Variants in RAP1A observed in about 807,000 individuals in gnomAD.
The protein encoded by RAP1A is RAP1A, member of RAS oncogene family, also known as ras-related protein Rap-1A.
In RAP1A, 6 loss-of-function variants were observed where a neutral mutation model predicts 26.4. That is an observed-to-expected ratio of 0.23 (90% CI 0.12 to 0.45). The LOEUF (loss-of-function observed/expected upper bound fraction) is 0.45, where lower values mean the gene tolerates loss of function less well. RAP1A is among the 20% of genes least tolerant of loss of function. RAP1A has a pLI of 0.99. For synonymous variants in RAP1A, 73 were observed against 79.4 expected (o/e 0.92, Z 0.43); for missense variants, 121 against 217.2 (o/e 0.56, Z 2.78).
chr1:111,610,646 A>C (rs1658911638), intron 1 of RAP1A, among the ~76,000 whole-genome samples: 1 of 151,752 alleles, frequency 6.6e-6, no homozygotes, highest in Non-Finnish European at 1.5e-5. Context: ...AGGTTGTATC[A>C]TTGTTTGGAA....
chr1:111,563,709 T>C, intron 1 of RAP1A: 3 of 641,418 alleles, frequency 4.7e-6, no homozygotes, highest in Non-Finnish European at 8.3e-6. Flanking sequence ...ACAAATTATC[T>C]CTATTTTACA....
intron 1 of RAP1A, among the ~76,000 whole-genome samples, chr1:111,666,614 CTAATT>C (rs1053788305): frequency 2.7e-5 from 4 of 150,718 alleles, no homozygotes; most frequent in Non-Finnish European, 2.9e-5. Flanking sequence ...ATTCAGCAGT[CTAATT>C]TAGGTAATCA....
At chr1:111,545,637 A>G (rs895332171) in intron 1 of RAP1A, among the ~76,000 whole-genome samples, 3 of 152,132 alleles carry the variant, frequency 2.0e-5, no homozygotes, top group African/African-American at 7.2e-5. Flanking sequence ...ATGAAGTCCA[A>G]CTTCTCTATT....
At chr1:111,578,465 A>T (rs1444103898) in intron 1 of RAP1A, among the ~76,000 whole-genome samples, 3 of 150,268 alleles carry the variant, frequency 2.0e-5, no homozygotes, top group African/African-American at 4.9e-5. Context: ...TTTTTTCTCT[A>T]GTTGCAAAAA....
intron 1 of RAP1A, chr1:111,648,335 T>TCCACTATC (rs890660491): frequency 6.4e-6 from 5 of 780,362 alleles, no homozygotes; most frequent in Non-Finnish European, 1.1e-5. Flanking sequence ...CACTTTGCCA[T>TCCACTATC]CCACTATCTG....
chr1:111,612,673 A>T (rs1449872550), intron 1 of RAP1A, among the ~76,000 whole-genome samples: 1 of 152,232 alleles, frequency 6.6e-6, no homozygotes, highest in Non-Finnish European at 1.5e-5. Context: ...AAGCCTTTGG[A>T]GTTGGCTGAT....
At chr1:111,588,991 G>C (rs972639073) in intron 1 of RAP1A, among the ~76,000 whole-genome samples, 1 of 152,144 alleles carries the variant, frequency 6.6e-6, no homozygotes, top group African/African-American at 2.4e-5. Flanking sequence ...ATTAAGTAGT[G>C]ATAACAGTGA....
At chr1:111,664,373 CAAAAAAAAAAAAAAAAA>C (rs57610280) in intron 1 of RAP1A, among the ~76,000 whole-genome samples, 1 of 89,870 alleles carries the variant, frequency 1.1e-5, no homozygotes, top group Non-Finnish European at 2.1e-5. Context: ...GACTCCGTCT[CAAAAAAAAAAAAAAAAA>C]AAAAAAAACA....
rs994763442 is a variant in RAP1A, at chr1:111,593,652, C to CTTTTTTTT, written c.-28+51163_-28+51170dup. Among the ~76,000 whole-genome samples the CTTTTTTTT allele has an allele frequency of 2.6e-3, 173 of 65,386 alleles. 18 individuals carry two copies. Among genetic ancestry groups the CTTTTTTTT allele is most frequent in the East Asian group, 0.012 (20 of 1,640 alleles). The allele number at this position is 65,386 out of a possible 152,430, so 42.9% of individuals were successfully genotyped here. On this transcript the variant is annotated intron_variant, in intron 1 of 7. Transcript: ENST00000356415. The stretch of plus-strand genomic sequence containing the variant: ...CTGGCAGCTTAAGTTATGACTCCTA[C>CTTTTTTTT]TTTTTTTTTTTTTTTTTTTTTTTTT...
chr1:111,683,455 G>A (rs1036210809), intron 1 of RAP1A, among the ~76,000 whole-genome samples: 3 of 151,890 alleles, frequency 2.0e-5, no homozygotes, highest in Non-Finnish European at 4.4e-5. Flanking sequence ...GAATCAAATA[G>A]ATGCAATAAA....
In RAP1A at chr1:111,713,224, A is replaced by G. The variant is rs1190240874; in HGVS notation, c.*823A>G. 6.6e-6 allele frequency: 1 copy of G among 152,406 alleles called. No homozygotes were observed. The highest frequency in any genetic ancestry group is 2.4e-5 in the African/African-American group (1 of 41,456). The allele number at this position is 152,406 out of a possible 1,614,324, so 9.4% of individuals were successfully genotyped here. A position where few individuals can be genotyped will look rare whatever the true frequency, so the allele number is the denominator to read the frequency against. On this transcript the variant is annotated 3_prime_UTR_variant, in exon 8 of 8. Transcript: ENST00000369709. ...CCTTTCTGCCTAGTATCTGCAGAAC[A>G]CTGGCTTTAAACTATACTAAGTAAC...
chr1:111,703,162 A>AATT (rs1662075395), intron 4 of RAP1A, among the ~76,000 whole-genome samples, 174 bp from the exon 5 acceptor site: 1 of 152,212 alleles, frequency 6.6e-6, no homozygotes. Flanking sequence ...ATTCTAGTTT[A>AATT]CTGTCATTGT....
intron 1 of RAP1A, among the ~76,000 whole-genome samples, chr1:111,563,582 A>G (rs1657832342): frequency 6.6e-6 from 1 of 152,190 alleles, no homozygotes; most frequent in Non-Finnish European, 1.5e-5. Flanking sequence ...TAGGTAGACA[A>G]GAGAATTCAT....
intron 1 of RAP1A, among the ~76,000 whole-genome samples, chr1:111,603,495 T>G (rs1658709490): frequency 6.6e-6 from 1 of 152,238 alleles, no homozygotes; most frequent in Non-Finnish European, 1.5e-5. Flanking sequence ...AAGCCATTGG[T>G]AGGATGTTCT....
chr1:111,583,404 A>AAGGCTGC (rs1416362604), intron 1 of RAP1A, among the ~76,000 whole-genome samples: 2 of 151,830 alleles, frequency 1.3e-5, no homozygotes, highest in African/African-American at 4.9e-5. Flanking sequence ...CCAGGAGTTC[A>AAGGCTGC]AGGCTGCAGT....
At chr1:111,658,761 ATTGATGGTG>A (rs1660542677) in intron 1 of RAP1A, among the ~76,000 whole-genome samples, 1 of 152,268 alleles carries the variant, frequency 6.6e-6, no homozygotes, top group African/African-American at 2.4e-5. Flanking sequence ...GATCCAATTG[ATTGATGGTG>A]TTGTTTACTT....
intron 1 of RAP1A, among the ~76,000 whole-genome samples, chr1:111,671,535 C>T (rs191740521): frequency 1.2e-4 from 19 of 152,130 alleles, no homozygotes; most frequent in African/African-American, 4.3e-4. Flanking sequence ...CGTGCGGTGG[C>T]GTGATCTTGG....
In RAP1A at chr1:111,715,997, A is replaced by G. The variant is rs1387693673; in HGVS notation, c.*3596A>G. ...GCAAGCAATCACAGCAGAATGCTAG[A>G]AAACATAAAATATACTCTTATAAAT... On this transcript the variant is annotated 3_prime_UTR_variant, in exon 8 of 8. Coordinates refer to ENST00000369709, the MANE Select transcript of RAP1A (RefSeq NM_002884.4). 6.6e-6 allele frequency: 1 copy of G among 152,394 alleles called. No individual in the cohort carries two copies. Among genetic ancestry groups the G allele is most frequent in the Admixed American group, 6.5e-5 (1 of 15,308 alleles). The allele number at this position is 152,394 out of a possible 1,614,324, so 9.4% of individuals were successfully genotyped here.
intron 1 of RAP1A, among the ~76,000 whole-genome samples, chr1:111,662,663 T>C (rs1413921899): frequency 6.6e-6 from 1 of 152,180 alleles, no homozygotes; most frequent in African/African-American, 2.4e-5. Flanking sequence ...GTGGCAGTGT[T>C]TTTATCAACT....
Sources: allele counts gnomAD v4.1 joint callset (sites outside exome capture counted in the v4.1 genomes callset), GRCh38; gene constraint gnomAD v4.1.1; transcripts MANE v1.5; gene names NCBI Gene and HGNC (gene_info 2026-07-23, HGNC 2026-07-21).